Variants in LRRC49 observed in about 807,000 individuals in gnomAD.
LRRC49 encodes leucine-rich repeat-containing protein 49.
A neutral mutation model predicts 83.3 loss-of-function variants in LRRC49; 50 were observed. The observed-to-expected ratio is 0.60, with a 90% CI of 0.48 to 0.76. The LOEUF is 0.76. LRRC49 is among the 30% of genes least tolerant of loss of function. LRRC49 has a pLI of 0.00. For missense variants in LRRC49, 704 were observed against 809.1 expected (o/e 0.87, Z 1.58); for synonymous variants, 286 against 283.3 (o/e 1.01, Z -0.10).
rs1415079180 is a variant in LRRC49, at chr15:71,016,528, C to T, written c.1703+3615C>T. On this transcript the variant is annotated intron_variant, in intron 14 of 15. Transcript: ENST00000260382. ...AAGAAGTTCATAAAGATAATAGCAG[C>T]TTCTAAAGAAATAAGAATTTGAAAG... Among the ~76,000 whole-genome samples the T allele has an allele frequency of 1.4e-4, 21 of 151,976 alleles. No homozygotes were observed. The East Asian group carries it at 3.5e-3, about 25-fold the overall frequency.
intron 5 of LRRC49, among the ~76,000 whole-genome samples, chr15:70,911,215 T>C (rs1394135657): frequency 6.6e-6 from 1 of 152,224 alleles, no homozygotes; most frequent in Admixed American, 6.5e-5. Flanking sequence ...TAGTGCCTTG[T>C]AGGCAGAAGT....
At chr15:70,964,272 C>A (rs543698736) in intron 9 of LRRC49, among the ~76,000 whole-genome samples, 1 of 152,046 alleles carries the variant, frequency 6.6e-6, no homozygotes, top group Non-Finnish European at 1.5e-5. Context: ...ACACTGGAGC[C>A]AGATTGCCTG....
chr15:70,893,715 T>A, intron 2 of LRRC49, 75 bp downstream of exon 2: 1 of 1,141,268 alleles, frequency 8.8e-7, no homozygotes, highest in African/African-American at 1.5e-5. Flanking sequence ...TGACTTAAAG[T>A]GTAGATAGAT....
At chr15:70,876,283 AGCAAAT>A (rs1467559746) in intron 2 of LRRC49, among the ~76,000 whole-genome samples, 1 of 152,210 alleles carries the variant, frequency 6.6e-6, no homozygotes, top group Admixed American at 6.5e-5. Context: ...GTATTCATTT[AGCAAAT>A]GCTTGTAAAA....
chr15:70,861,506 T>C (rs78549884), intron 1 of LRRC49, among the ~76,000 whole-genome samples: 4,348 of 151,484 alleles, frequency 0.029, 91 homozygotes, highest in Middle Eastern at 0.062. Context: ...GTAAAAAGAG[T>C]AGGGTTTTCT....
chr15:70,974,759 T>C (rs1596086210), intron 9 of LRRC49, among the ~76,000 whole-genome samples: 1 of 149,464 alleles, frequency 6.7e-6, no homozygotes, highest in Non-Finnish European at 1.5e-5. Context: ...GGATATGAGA[T>C]AGAGATCACA....
chr15:70,864,853 T>G (rs371587686), intron 1 of LRRC49, among the ~76,000 whole-genome samples: 15 of 152,170 alleles, frequency 9.9e-5, no homozygotes, highest in Admixed American at 7.2e-4. Context: ...AGGTGTCTGT[T>G]CATCAGTCAT....
At chr15:71,003,665 T>C (rs2141254811) in intron 11 of LRRC49, among the ~76,000 whole-genome samples, 1 of 152,286 alleles carries the variant, frequency 6.6e-6, no homozygotes, top group South Asian at 2.1e-4. Context: ...TGAGGCATAG[T>C]TTAGAATATT....
intron 14 of LRRC49, 117 bp from the exon 15 acceptor site, chr15:71,037,062 C>A: frequency 1.5e-6 from 1 of 658,338 alleles, no homozygotes; most frequent in South Asian, 2.4e-5. Flanking sequence ...TAAACTCAAA[C>A]TCATTAAAAT....
intron 11 of LRRC49, among the ~76,000 whole-genome samples, chr15:70,999,392 G>C (rs2038184422): frequency 6.6e-6 from 1 of 151,894 alleles, no homozygotes; most frequent in Non-Finnish European, 1.5e-5. Context: ...GTATTATTTA[G>C]CATGTGTACC....
intron 9 of LRRC49, among the ~76,000 whole-genome samples, chr15:70,975,769 G>T (rs2037183384): frequency 6.6e-6 from 1 of 151,820 alleles, no homozygotes; most frequent in Non-Finnish European, 1.5e-5. Flanking sequence ...AATTGGCTTA[G>T]TGTGAACTTG....
chr15:70,869,889 T>C (rs1343224476), intron 1 of LRRC49, among the ~76,000 whole-genome samples: 1 of 152,192 alleles, frequency 6.6e-6, no homozygotes, highest in Admixed American at 6.5e-5. Context: ...AAAATCAGCT[T>C]CCCACACTGA....
chr15:70,958,445 A>T (rs1596067295), intron 8 of LRRC49, among the ~76,000 whole-genome samples: 1 of 152,250 alleles, frequency 6.6e-6, no homozygotes, highest in East Asian at 1.9e-4. Flanking sequence ...GAAAGTGATG[A>T]GTTAGTTCAC....
At chr15:70,873,357 T>C (rs2141078308) in intron 2 of LRRC49, 14 of 1,027,462 alleles carry the variant, frequency 1.4e-5, no homozygotes, top group South Asian at 2.9e-5. Context: ...CTGAGGGTCA[T>C]GGTGAGGAGG....
intron 11 of LRRC49, among the ~76,000 whole-genome samples, chr15:70,989,442 G>A (rs2037772351): frequency 1.3e-5 from 2 of 152,002 alleles, no homozygotes; most frequent in Admixed American, 1.3e-4. Context: ...TGAGGCTTCT[G>A]CATTCTTCAC....
At chr15:70,914,457 T>C (rs2034678175) in intron 6 of LRRC49, among the ~76,000 whole-genome samples, 2 of 152,118 alleles carry the variant, frequency 1.3e-5, no homozygotes, top group East Asian at 1.9e-4. Context: ...GATTGGGAAG[T>C]AGAGATGGAA....
At chr15:70,946,248 C>G (rs946006037) in intron 8 of LRRC49, among the ~76,000 whole-genome samples, 1 of 152,118 alleles carries the variant, frequency 6.6e-6, no homozygotes, top group African/African-American at 2.4e-5. Context: ...CCCAATCACC[C>G]TACATGACCA....
At chr15:70,966,471 G>C (rs2036798298) in intron 9 of LRRC49, among the ~76,000 whole-genome samples, 1 of 152,038 alleles carries the variant, frequency 6.6e-6, no homozygotes. Context: ...TAAATACCTT[G>C]CCAAAATCAG....
chr15:71,017,504 C>T (rs1160094897), intron 14 of LRRC49, among the ~76,000 whole-genome samples: 1 of 150,446 alleles, frequency 6.6e-6, no homozygotes, highest in South Asian at 2.1e-4. Flanking sequence ...AGAAATCCTA[C>T]AAATTTAGTA....
Sources: gnomAD v4.1 joint callset for allele counts (sites outside exome capture counted in the v4.1 genomes callset) on GRCh38, gnomAD v4.1.1 for gene constraint, MANE v1.5 for transcripts, NCBI Gene and HGNC (gene_info 2026-07-23, HGNC 2026-07-21) for gene names.